Variants in INTS14 observed in about 807,000 individuals in gnomAD.
INTS14 encodes the protein integrator complex subunit 14.
Under a neutral mutation model 56.9 loss-of-function variants are expected in INTS14, and 27 were observed. That is an observed-to-expected ratio of 0.47 (90% CI 0.35 to 0.65). The LOEUF is 0.65. Ranked by LOEUF, INTS14 falls within the 30% of genes least tolerant of loss-of-function variation. The pLI, the probability that INTS14 is intolerant of heterozygous loss-of-function variation, is 0.00. For missense variants in INTS14, 517 were observed against 632.2 expected (o/e 0.82, Z 1.95); for synonymous variants, 207 against 236.2 (o/e 0.88, Z 1.13).
At chr15:65,591,865 G>A in intron 8 of INTS14, 134 bp from the exon 9 acceptor site, 1 of 944,410 alleles carries the variant, frequency 1.1e-6, no homozygotes, top group Non-Finnish European at 1.5e-6. Flanking sequence ...TTTTACCAAA[G>A]CCAAACCCTA....
chr15:65,591,668 C>T lies in INTS14; in HGVS notation c.1050G>A (p.Met350Ile). Reference sequence around the variant, plus strand: ...GTTCTGGGCCAGGCTCAAAGAGAGACATCATGAGGTTTGATTTCTTCTTGC... The same window carrying T: ...GTTCTGGGCCAGGCTCAAAGAGAGATATCATGAGGTTTGATTTCTTCTTGC... ...ADSKKKSNLM[M>I]SLFEPGPEPL... Residue 350 changes from methionine to isoleucine, a missense_variant, in exon 9 of 12, where the codon ATG becomes ATA. Transcript: ENST00000313182. 6.2e-7 allele frequency: 1 copy of T among 1,614,186 alleles called. No homozygotes were observed. Among genetic ancestry groups the T allele is most frequent in the Non-Finnish European group, 8.5e-7 (1 of 1,180,018 alleles).
At position 65,579,381 on chromosome 15, in the gene INTS14, AAAG is replaced by A. The variant is rs767350473; in HGVS notation, c.*24_*26del. 8.8e-5 allele frequency: 141 copies of A among 1,597,624 alleles called. No homozygotes were observed. The highest frequency in any genetic ancestry group is 5.0e-4 in the Middle Eastern group (3 of 6,018). On this transcript the variant is annotated 3_prime_UTR_variant, in exon 12 of 12. Coordinates refer to ENST00000313182, the MANE Select transcript of INTS14 (RefSeq NM_001394796.1). ...TAAAGCATTTTCAGTTGAAATGAAAAAAGAAGGAAAGCTCCAAAAGTCAGTTTC... is the reference window on the plus strand; with the variant it reads ...TAAAGCATTTTCAGTTGAAATGAAAAAAGGAAAGCTCCAAAAGTCAGTTTC...
chr15:65,597,407 A>T (rs1383282796), intron 6 of INTS14, among the ~76,000 whole-genome samples: 3 of 152,210 alleles, frequency 2.0e-5, no homozygotes, highest in Non-Finnish European at 2.9e-5. Flanking sequence ...TCCAGCCCTA[A>T]AAGATTTAAC....
chr15:65,591,777 A>G (rs781620077), intron 8 of INTS14, 46 bp from the exon 9 acceptor site: 1 of 1,601,136 alleles, frequency 6.2e-7, no homozygotes, highest in Non-Finnish European at 8.5e-7. Flanking sequence ...CAAGCCTGAG[A>G]CTGTCAAGTT....
chr15:65,593,553 A>G lies in INTS14; in HGVS notation c.861T>C (p.Thr287=), dbSNP rs764411466. 6.2e-7 allele frequency: 1 copy of G among 1,612,782 alleles called. No individual in the cohort carries two copies. The highest frequency in any genetic ancestry group is 8.5e-7 in the Non-Finnish European group (1 of 1,179,614). ...ALNKEGDEVG[T]GITDDNEDEN... is the part of the protein sequence containing the mutation. ...CATCTTCATTGTCATCAGTGATGCC[A>G]GTACCCACCTCATCACCTTCTGTGA... Residue 287 remains threonine (T), a synonymous_variant, in exon 8 of 12, where the codon ACT becomes ACC. Coordinates refer to ENST00000313182, the MANE Select transcript of INTS14 (RefSeq NM_001394796.1).
intron 10 of INTS14, among the ~76,000 whole-genome samples, chr15:65,582,564 T>C (rs1462646069): frequency 6.6e-6 from 1 of 152,004 alleles, no homozygotes; most frequent in Admixed American, 6.6e-5. Flanking sequence ...CTGGGCAACG[T>C]AGTGAGATGT....
chr15:65,578,983 A>G lies in INTS14; in HGVS notation c.*425T>C, dbSNP rs2072470487. ...TGTTTGTACTCAGCAAGCTCCAGAC[A>G]GTCTGAGTTGCTCATTCCATGAACA... On this transcript the variant is annotated 3_prime_UTR_variant, in exon 12 of 12. Transcript: ENST00000313182. 6.2e-6 allele frequency: 1 copy of G among 161,164 alleles called. No individual in the cohort carries two copies. Among genetic ancestry groups the G allele is most frequent in the Non-Finnish European group, 1.4e-5 (1 of 73,664 alleles). The allele number at this position is 161,164 out of a possible 1,614,324, so 10.0% of individuals were successfully genotyped here.
At chr15:65,583,752 A>G (rs996197877) in intron 10 of INTS14, among the ~76,000 whole-genome samples, 46 of 152,340 alleles carry the variant, frequency 3.0e-4, no homozygotes, top group Admixed American at 2.9e-3. Flanking sequence ...ATTAAAAAAA[A>G]TAATTTAAGA....
chr15:65,607,445 G>A lies in INTS14; in HGVS notation c.-62-3C>T. Reference sequence around the variant, plus strand: ...AGACAGCTATAAACGAAGAAATGCTGCAGAAAATAAATACGTTCTTACATG... The same window carrying A: ...AGACAGCTATAAACGAAGAAATGCTACAGAAAATAAATACGTTCTTACATG... On this transcript the variant is annotated splice_polypyrimidine_tract_variant and splice_region_variant and intron_variant, in intron 1 of 11. Transcript: ENST00000313182. 3 of 1,588,386 alleles carry A rather than the reference G, an allele frequency of 1.9e-6. No homozygotes were observed. Among genetic ancestry groups the A allele is most frequent in the Non-Finnish European group, 2.6e-6 (3 of 1,163,158 alleles).
At chr15:65,599,668 T>C in intron 4 of INTS14, 106 bp downstream of exon 4, 1 of 1,212,996 alleles carries the variant, frequency 8.2e-7, no homozygotes, top group Non-Finnish European at 1.1e-6. Flanking sequence ...ACCAATGGAG[T>C]TCAATGCTAC....
chr15:65,581,999 T>C lies in INTS14; in HGVS notation c.1260A>G (p.Leu420=). The C allele has an allele frequency of 5.6e-6, 9 of 1,612,038 alleles. No homozygotes were observed. The highest frequency in any genetic ancestry group is 7.6e-6 in the Non-Finnish European group (9 of 1,179,704). The change falls in exon 11 of 12, where the codon TTA becomes TTG. Residue 420 remains leucine (L), a synonymous_variant. Transcript: ENST00000313182. ...TTTCAGGTAGTTTCCTTGCATTTCTTAAAATCTTCTGTACATCTGTCTATT... is the reference window on the plus strand; with the variant it reads ...TTTCAGGTAGTTTCCTTGCATTTCTCAAAATCTTCTGTACATCTGTCTATT... ...SGLQTDVQKI[L]RNARKLPEKT... is the part of the protein sequence containing the mutation.
chr15:65,584,408 G>A (rs1369619182), intron 10 of INTS14, among the ~76,000 whole-genome samples: 2 of 152,128 alleles, frequency 1.3e-5, no homozygotes, highest in Non-Finnish European at 1.5e-5. Flanking sequence ...AGGAAAATAT[G>A]TCTCTCTAGA....
chr15:65,603,984 T>C (rs558562322), intron 3 of INTS14, among the ~76,000 whole-genome samples: 1 of 152,370 alleles, frequency 6.6e-6, no homozygotes, highest in Admixed American at 6.5e-5. Flanking sequence ...CAAAAGTATC[T>C]GTATAGAACA....
chr15:65,589,295 C>T (rs745395060), intron 9 of INTS14, among the ~76,000 whole-genome samples: 2 of 152,154 alleles, frequency 1.3e-5, no homozygotes, highest in African/African-American at 2.4e-5. Flanking sequence ...GTAACTGGGA[C>T]CACAGGTGCA....
chr15:65,606,252 C>CAAAAAAA lies in INTS14; in HGVS notation c.222+900_222+906dup, dbSNP rs372473798. On this transcript the variant is annotated intron_variant, in intron 2 of 11. Coordinates refer to ENST00000313182, the MANE Select transcript of INTS14 (RefSeq NM_001394796.1). Reference sequence around the variant, plus strand: ...CCTGGGCGACAGCGAGACTCCGTCTCAAAAAAAAAAAAAAAAAAAATCTGA... The same window carrying CAAAAAAA: ...CCTGGGCGACAGCGAGACTCCGTCTCAAAAAAAAAAAAAAAAAAAAAAAAAAATCTGA... Among the ~76,000 whole-genome samples the CAAAAAAA allele has an allele frequency of 4.5e-3, 278 of 62,342 alleles. 1 individual carries two copies. Among genetic ancestry groups the CAAAAAAA allele is most frequent in the Non-Finnish European group, 6.4e-3 (187 of 29,444 alleles). 40.9% of individuals were successfully genotyped at this position (62,342 alleles called of 152,430 possible).
chr15:65,598,323 G>T lies in INTS14; in HGVS notation c.746C>A (p.Thr249Lys), dbSNP rs761092071. 1 of 1,611,810 alleles carries T rather than the reference G, an allele frequency of 6.2e-7. No individual in the cohort carries two copies. Residue 249 changes from threonine to lysine, a missense_variant and splice_region_variant, in exon 6 of 12, where the codon ACA becomes AAA. Thr to Lys is a moderately conservative substitution (Grantham distance 78). Transcript: ENST00000313182. ...AATAAGTTTTTTTAAAAAGTTACCT[G>T]TGTTAATGACTTTAGGGATAGGATC... ...EIDPIPKVIN[T>K]DLEIVGFIDI...
chr15:65,598,908 CCAT>C lies in INTS14; in HGVS notation c.566_568del (p.Asp189del). 1 of 1,613,828 alleles carries C rather than the reference CCAT, an allele frequency of 6.2e-7. No homozygotes were observed. Among genetic ancestry groups the C allele is most frequent in the Non-Finnish European group, 8.5e-7 (1 of 1,179,856 alleles). On this transcript the variant is annotated inframe_deletion, in exon 5 of 12. Transcript: ENST00000313182. ...CTGTACATTCTTCAAGCACAGGGGGCCATCAATAGTAAAAATCTGCCCTTCACC... is the reference window on the plus strand; with the variant it reads ...CTGTACATTCTTCAAGCACAGGGGGCCAATAGTAAAAATCTGCCCTTCACC...
intron 1 of INTS14, among the ~76,000 whole-genome samples, chr15:65,608,221 C>T (rs1005204750): frequency 6.6e-6 from 1 of 151,892 alleles, no homozygotes; most frequent in Admixed American, 6.6e-5. Flanking sequence ...ACTAAAAATA[C>T]AAAAATCAGC....
intron 10 of INTS14, among the ~76,000 whole-genome samples, chr15:65,583,089 A>G (rs2072685537): frequency 6.6e-6 from 1 of 152,244 alleles, no homozygotes; most frequent in Admixed American, 6.5e-5. Flanking sequence ...CACTGCTAGC[A>G]GAAATGTAAA....
Sources: allele counts gnomAD v4.1 joint callset (sites outside exome capture counted in the v4.1 genomes callset), GRCh38; gene constraint gnomAD v4.1.1; transcripts MANE v1.5; gene names NCBI Gene and HGNC (gene_info 2026-07-23, HGNC 2026-07-21).